The following GRIP2 variants were observed in gnomAD, a reference collection of about 807,000 sequenced individuals.
GRIP2 encodes the protein glutamate receptor interacting protein 2.
In GRIP2, 58 loss-of-function variants were observed where a neutral mutation model predicts 108.3. The observed-to-expected ratio is 0.54, with a 90% confidence interval of 0.43 to 0.67. The LOEUF is 0.67. GRIP2 is among the 30% of genes least tolerant of loss of function. The pLI, the probability that GRIP2 is intolerant of heterozygous loss-of-function variation, is 0.00. For synonymous variants in GRIP2, 586 were observed against 598.2 expected, an observed-to-expected ratio of 0.98 and a Z score of 0.30; for missense variants, 1,278 against 1,430.6, an observed-to-expected ratio of 0.89 and a Z score of 1.72.
chr3:14,522,456 A>G lies in GRIP2; in HGVS notation c.566+544T>C, dbSNP rs1694438682. On this transcript the variant is annotated intron_variant, in intron 6 of 23. Coordinates refer to ENST00000621039, the MANE Select transcript of GRIP2 (RefSeq NM_001080423.4). The surrounding 1 kb of genome is among the most constrained non-coding windows in gnomAD (Gnocchi z 4.3). ...CCAAGGACAGATTTAGATTTCTGAC[A>G]AGGCCGTTCCAGGCTTCTCTTAAAA... is the stretch of plus-strand genomic sequence containing the variant. 1 of 154,626 alleles carries G rather than the reference A, an allele frequency of 6.5e-6. No homozygotes were observed. Among genetic ancestry groups the G allele is most frequent in the African/African-American group, 2.4e-5 (1 of 41,450 alleles). The allele number at this position is 154,626 out of a possible 1,614,324, so 9.6% of individuals were successfully genotyped here.
At position 14,493,715 on chromosome 3, in the gene GRIP2, T is replaced by C. The variant is rs751150105; in HGVS notation, c.3082A>G (p.Ser1028Gly). The change falls in exon 24 of 24, where the codon AGC (serine) becomes GGC (glycine). Residue 1028 changes from serine to glycine, a missense_variant. Physicochemically the swap from Ser to Gly is moderately conservative, Grantham distance 56 (BLOSUM62 0). Coordinates refer to ENST00000621039, the MANE Select transcript of GRIP2 (RefSeq NM_001080423.4). ...CCTGGCGATCGGGGGGCCCGGCTGC[T>C]GTGTGCCGTGTGCGGCTTGCGGCTG... ...IISRKPHTAHSSRAPRSPGPS... is the reference protein window; with the variant it reads ...IISRKPHTAHGSRAPRSPGPS... The C allele has an allele frequency of 1.2e-6, 2 of 1,610,660 alleles. No homozygotes were observed.
At chr3:14,509,051 G>T (rs1373194435) in intron 17 of GRIP2, among the ~76,000 whole-genome samples, 1 of 152,052 alleles carries the variant, frequency 6.6e-6, no homozygotes, top group South Asian at 2.1e-4. Context: ...GTTCCACACC[G>T]ACCTCTGCAG....
Position 14,514,420 on chromosome 3 carries a change from C to A in GRIP2, c.1365G>T (p.Thr455=). ...GGGGGTCTCCACAGAGCACGACCTCCGTGGTCTCCGTGTGCACAATCTGCC... is the reference window on the plus strand; with the variant it reads ...GGGGGTCTCCACAGAGCACGACCTCAGTGGTCTCCGTGTGCACAATCTGCC... ...PGGQIVHTET[T]EVVLCGDPLS... The change falls in exon 12 of 24, where the codon ACG becomes ACT. Residue 455 remains threonine (T), a synonymous_variant. Transcript: ENST00000621039. 1.3e-6 allele frequency: 2 copies of A among 1,575,244 alleles called. No homozygotes were observed. The highest frequency in any genetic ancestry group is 4.7e-5 in the East Asian group (2 of 42,712).
the GRIP2 span, among the ~76,000 whole-genome samples, chr3:14,562,471 C>T: frequency 1.0e-3 from 156 of 152,268 alleles, no homozygotes; most frequent in African/African-American, 3.6e-3. Flanking sequence ...TGGCTGGTTC[C>T]TTTGGGGGTG....
chr3:14,541,405 A>G (rs1694966696), upstream of GRIP2, among the ~76,000 whole-genome samples: 1 of 152,222 alleles, frequency 6.6e-6, no homozygotes, highest in Admixed American at 6.5e-5. Context: ...GCGTGGGAAC[A>G]CACGAGCCTC....
At position 14,525,554 on chromosome 3, in the gene GRIP2, G is replaced by A; in HGVS notation, c.140C>T (p.Thr47Ile). Residue 47 changes from threonine (T) to isoleucine (I), a missense_variant, in exon 3 of 24, where the codon ACT becomes ATT. Transcript: ENST00000621039. ...TTCTTTCTTGATCAGCTCCACCACAGTGATCCCTCGGAACTCCTCTGCCAA... is the reference window on the plus strand; with the variant it reads ...TTCTTTCTTGATCAGCTCCACCACAATGATCCCTCGGAACTCCTCTGCCAA... ...QSIPEEFRGITVVELIKKEGS... is the reference protein window; with the variant it reads ...QSIPEEFRGIIVVELIKKEGS... The A allele has an allele frequency of 6.2e-7, 1 of 1,613,838 alleles. No individual in the cohort carries two copies.
At chr3:14,559,439 C>CAAAA (rs56183499), upstream of GRIP2, among the ~76,000 whole-genome samples, 1 of 121,764 alleles carries the variant, frequency 8.2e-6, no homozygotes. Context: ...AAGAATTTAT[C>CAAAA]AAAAAAAAAA....
intron 1 of GRIP2, among the ~76,000 whole-genome samples, chr3:14,553,440 C>T (rs1471204644): frequency 6.6e-6 from 1 of 152,178 alleles, no homozygotes; most frequent in Non-Finnish European, 1.5e-5. Flanking sequence ...AGCTGCTCCC[C>T]TCCTTATCTA....
In GRIP2 at chr3:14,506,621, A is replaced by G. The variant is rs562062309; in HGVS notation, c.2398+180T>C. ...GCTGCAGTCCATGCTTCCAGGAGCA[A>G]GGGGCCCTAAGAGTGGCTTACGGAG... On this transcript the variant is annotated intron_variant, in intron 19 of 23. Coordinates refer to ENST00000621039, the MANE Select transcript of GRIP2 (RefSeq NM_001080423.4). 2.0e-5 allele frequency among the ~76,000 whole-genome samples: 3 copies of G among 152,344 alleles called. No homozygotes were observed. The East Asian group carries it at 5.8e-4, about 29-fold the overall frequency.
the GRIP2 span, among the ~76,000 whole-genome samples, chr3:14,566,499 G>A: frequency 2.0e-5 from 3 of 152,354 alleles, no homozygotes; most frequent in Non-Finnish European, 2.9e-5. Flanking sequence ...CATTAGAACC[G>A]CAGCAGAGAA....
the GRIP2 span, chr3:14,574,116 T>A: frequency 1.9e-6 from 2 of 1,063,676 alleles, no homozygotes; most frequent in Admixed American, 3.4e-5. Context: ...CGTTTCATGC[T>A]GTGAGAAGTC....
At chr3:14,540,738 CACAGA>C (rs1481052722), upstream of GRIP2, among the ~76,000 whole-genome samples, 5 of 151,936 alleles carry the variant, frequency 3.3e-5, no homozygotes, top group African/African-American at 4.8e-5. The surrounding 1 kb of genome is among the most constrained non-coding windows in gnomAD (Gnocchi z 4.1). Context: ...AGAGAATTTG[CACAGA>C]ACCCCAGGAC....
intron 21 of GRIP2, among the ~76,000 whole-genome samples, 182 bp from the exon 22 acceptor site, chr3:14,496,742 A>G (rs753531149): frequency 6.6e-5 from 10 of 152,256 alleles, no homozygotes; most frequent in Non-Finnish European, 1.2e-4. Flanking sequence ...AACCAATCAC[A>G]CTAACAATGA....
In GRIP2 at chr3:14,517,752, C is replaced by T. The variant is rs1389551513; in HGVS notation, c.1156+20G>A. On this transcript the variant is annotated intron_variant, in intron 10 of 23. Coordinates refer to ENST00000621039, the MANE Select transcript of GRIP2 (RefSeq NM_001080423.4). ...AAAGGCTACAAGACTGGCTGAGCTA[C>T]AGCAGGGCAGGCACATTACATCGGC... 1.2e-6 allele frequency: 2 copies of T among 1,609,254 alleles called. No individual in the cohort carries two copies. The highest frequency in any genetic ancestry group is 1.3e-5 in the African/African-American group (1 of 74,832).
chr3:14,519,667 C>T (rs1694351649), intron 9 of GRIP2, among the ~76,000 whole-genome samples: 1 of 152,104 alleles, frequency 6.6e-6, no homozygotes, highest in Non-Finnish European at 1.5e-5. Flanking sequence ...AAATGCCCAG[C>T]ACCCAGCTCC....
chr3:14,556,445 G>A (rs1000349889), upstream of GRIP2, among the ~76,000 whole-genome samples: 4 of 152,096 alleles, frequency 2.6e-5, no homozygotes, highest in Non-Finnish European at 5.9e-5. Flanking sequence ...AGGGCACCCC[G>A]CCTGCTGGAC....
intron 21 of GRIP2, 64 bp downstream of exon 21, chr3:14,503,502 G>T: frequency 1.8e-6 from 2 of 1,133,406 alleles, no homozygotes; most frequent in Non-Finnish European, 2.6e-6. Context: ...TCCTCCCATT[G>T]CACACACACC....
chr3:14,503,020 G>C lies in GRIP2; in HGVS notation c.2679+546C>G, dbSNP rs988962186. ...AGCGAGATCCTCTCTGGATCCTCCT[G>C]GGCAGTTTGTTCTATTCACTGAGCA... is the stretch of plus-strand genomic sequence containing the variant. On this transcript the variant is annotated intron_variant, in intron 21 of 23. Transcript: ENST00000621039. Among the ~76,000 whole-genome samples, 9 of 152,156 alleles carry C rather than the reference G, an allele frequency of 5.9e-5. No individual in the cohort carries two copies. In the East Asian group the frequency reaches 1.7e-3, roughly 29 times the overall value.
In GRIP2 at chr3:14,550,728, C is replaced by T. The variant is rs146666186; in HGVS notation, c.55+5172G>A. Among the ~76,000 whole-genome samples, 467 of 152,304 alleles carry T rather than the reference C, an allele frequency of 3.1e-3. 5 individuals carry two copies. The highest frequency in any genetic ancestry group is 0.01 in the African/African-American group (433 of 41,560). ...CCCTGGAACCCCTTCACCTCCATCC[C>T]CAGCTTGAATTCCAAATGACCCTCG... On this transcript the variant is annotated intron_variant, in intron 1 of 23. Transcript: ENST00000637182.
Sources: gnomAD v4.1 joint callset for allele counts (sites outside exome capture counted in the v4.1 genomes callset) on GRCh38, gnomAD v4.1.1 for gene constraint, Gnocchi (gnomAD v3.1) non-coding constraint, MANE v1.5 for transcripts, NCBI Gene and HGNC (gene_info 2026-07-23, HGNC 2026-07-21) for gene names.